ROBO1: variants seen among roughly 807,000 people sequenced by gnomAD.
The protein encoded by ROBO1 is roundabout homolog 1.
In ROBO1, 149 loss-of-function variants were observed where a neutral mutation model predicts 195.9. That is an observed-to-expected ratio of 0.76 (90% CI 0.67 to 0.87). ROBO1 has a LOEUF of 0.87. Among genes scored for constraint, ROBO1 ranks in the 40% least tolerant of loss-of-function variants. The pLI is 0.00. For missense variants in ROBO1, 1,933 were observed against 2,068.3 expected (o/e 0.93, Z 1.27); for synonymous variants, 816 against 733.2 (o/e 1.11, Z -1.82).
At chr3:78,632,200 T>G (rs554782803) in intron 24 of ROBO1, among the ~76,000 whole-genome samples, 137 of 152,288 alleles carry the variant, frequency 9.0e-4, no homozygotes, top group African/African-American at 3.1e-3. Flanking sequence ...TTGGCCTTAG[T>G]TTTTTAACCC....
chr3:79,733,851 A>G (rs916161993), intron 1 of ROBO1, among the ~76,000 whole-genome samples: 4 of 152,118 alleles, frequency 2.6e-5, no homozygotes, highest in African/African-American at 9.7e-5. Context: ...TTGTTCTCAC[A>G]TATGCCAAAT....
intron 1 of ROBO1, among the ~76,000 whole-genome samples, chr3:79,669,753 G>C (rs567693470): frequency 1.6e-4 from 24 of 151,744 alleles, no homozygotes; most frequent in Non-Finnish European, 2.8e-4. Flanking sequence ...AGGATAAAAG[G>C]GAGATCAAAA....
At chr3:79,573,862 A>C (rs1027260233) in intron 2 of ROBO1, among the ~76,000 whole-genome samples, 2 of 152,188 alleles carry the variant, frequency 1.3e-5, no homozygotes, top group South Asian at 2.1e-4. Flanking sequence ...CAGCAAATTC[A>C]ACTAAATAAA....
intron 4 of ROBO1, among the ~76,000 whole-genome samples, chr3:78,764,333 T>C (rs1462632675): frequency 6.6e-6 from 1 of 152,192 alleles, no homozygotes; most frequent in Non-Finnish European, 1.5e-5. Flanking sequence ...AATACTGTAA[T>C]AACCCAAATA....
intron 2 of ROBO1, among the ~76,000 whole-genome samples, chr3:79,317,250 C>T (rs1352433710): frequency 1.3e-5 from 2 of 152,090 alleles, no homozygotes; most frequent in East Asian, 1.9e-4. Context: ...ATTTCTATTT[C>T]CAGAGTCACT....
intron 4 of ROBO1, among the ~76,000 whole-genome samples, chr3:78,906,757 A>G (rs1305019184): frequency 3.9e-5 from 6 of 152,132 alleles, no homozygotes; most frequent in Non-Finnish European, 8.8e-5. Context: ...ATTAAAATGT[A>G]GAAAAATGTA....
intron 5 of ROBO1, among the ~76,000 whole-genome samples, chr3:78,737,104 T>A (rs1478863206): frequency 6.6e-6 from 1 of 152,188 alleles, no homozygotes; most frequent in East Asian, 1.9e-4. Flanking sequence ...AAGGTACACA[T>A]AGAACTTGAA....
At chr3:79,529,137 C>T (rs1941548238) in intron 2 of ROBO1, among the ~76,000 whole-genome samples, 3 of 152,054 alleles carry the variant, frequency 2.0e-5, no homozygotes, top group Non-Finnish European at 4.4e-5. Context: ...AATGTCTTGC[C>T]ATAACAATGG....
At chr3:78,927,125 T>C (rs1039552724) in intron 4 of ROBO1, among the ~76,000 whole-genome samples, 4 of 152,270 alleles carry the variant, frequency 2.6e-5, no homozygotes, top group Middle Eastern at 6.8e-3. Flanking sequence ...AGGCCACACA[T>C]GGTACTAAGC....
At chr3:79,280,686 C>T (rs2031435301) in intron 2 of ROBO1, among the ~76,000 whole-genome samples, 1 of 152,174 alleles carries the variant, frequency 6.6e-6, no homozygotes, top group African/African-American at 2.4e-5. Context: ...AATTTTTCCA[C>T]TGACATCGGG....
chr3:79,440,224 G>A (rs1229586272), intron 2 of ROBO1, among the ~76,000 whole-genome samples: 1 of 151,970 alleles, frequency 6.6e-6, no homozygotes, highest in African/African-American at 2.4e-5. Flanking sequence ...TAAACTTTTA[G>A]TTTATTATAT....
chr3:79,055,659 TC>T (rs1176857150), intron 3 of ROBO1, among the ~76,000 whole-genome samples: 2 of 152,040 alleles, frequency 1.3e-5, no homozygotes, highest in African/African-American at 4.8e-5. Context: ...CTTATAGTGC[TC>T]CCAGTCAGCA....
intron 2 of ROBO1, among the ~76,000 whole-genome samples, chr3:79,458,234 G>C (rs548301356): frequency 6.6e-6 from 1 of 152,186 alleles, no homozygotes; most frequent in Non-Finnish European, 1.5e-5. Context: ...TTAATCAGCA[G>C]TAGAGGCAAG....
chr3:79,250,373 A>G, intron 2 of ROBO1, among the ~76,000 whole-genome samples: 1 of 152,236 alleles, frequency 6.6e-6, no homozygotes, highest in Non-Finnish European at 1.5e-5. Context: ...TGGACAAAGC[A>G]GCCATGTTGC....
chr3:78,926,032 G>A (rs114369756), intron 4 of ROBO1, among the ~76,000 whole-genome samples: 2,433 of 152,064 alleles, frequency 0.016, 78 homozygotes, highest in African/African-American at 0.055. Context: ...CCCCACACAT[G>A]GCTAATTCTA....
intron 2 of ROBO1, among the ~76,000 whole-genome samples, chr3:79,247,129 G>GTTTTTTTTTTTTTTTTT (rs575917340): frequency 7.4e-6 from 1 of 134,808 alleles, no homozygotes. Flanking sequence ...CCTGTTTACT[G>GTTTTTTTTTTTTTTTTT]TTTTTTTTTT....
At chr3:78,681,486 T>C (rs1384974724) in intron 10 of ROBO1, among the ~76,000 whole-genome samples, 1 of 152,006 alleles carries the variant, frequency 6.6e-6, no homozygotes, top group African/African-American at 2.4e-5. Flanking sequence ...CACAAAAACG[T>C]ATAGGATGCA....
At chr3:78,610,329 A>G (rs1409851445) in intron 28 of ROBO1, among the ~76,000 whole-genome samples, 1 of 152,180 alleles carries the variant, frequency 6.6e-6, no homozygotes, top group African/African-American at 2.4e-5. Context: ...TATTAAAGAT[A>G]ACCAAAAAGA....
intron 4 of ROBO1, among the ~76,000 whole-genome samples, chr3:78,874,435 CATT>C (rs2035720096): frequency 6.6e-6 from 1 of 151,614 alleles, no homozygotes; most frequent in Admixed American, 6.6e-5. Context: ...TCAAAATTTG[CATT>C]ATAACTTATA....
Sources: allele counts gnomAD v4.1 joint callset (sites outside exome capture counted in the v4.1 genomes callset), GRCh38; gene constraint gnomAD v4.1.1; transcripts MANE v1.5; gene names NCBI Gene and HGNC (gene_info 2026-07-23, HGNC 2026-07-21).